The following DLG2 variants were observed in gnomAD, a reference collection of about 807,000 sequenced individuals.
DLG2 encodes discs large MAGUK scaffold protein 2, also known as disks large homolog 2.
A neutral mutation model predicts 132.5 loss-of-function variants in DLG2; 45 were observed. The ratio of observed to expected loss-of-function variants is 0.34; its 90% CI spans 0.27 to 0.44. The LOEUF is 0.44. Ranked by LOEUF, DLG2 falls within the 20% of genes least tolerant of loss-of-function variation. The pLI, the probability that DLG2 is intolerant of heterozygous loss-of-function variation, is 1.00. For synonymous variants in DLG2, 424 were observed against 419.6 expected (o/e 1.01, Z -0.13); for missense variants, 1,045 against 1,196.9 (o/e 0.87, Z 1.87).
At chr11:85,033,163 T>C (rs1480302094) in intron 6 of DLG2, among the ~76,000 whole-genome samples, 1 of 152,156 alleles carries the variant, frequency 6.6e-6, no homozygotes. Context: ...GATTATAAAA[T>C]AAAGAGTTGA....
intron 6 of DLG2, among the ~76,000 whole-genome samples, chr11:84,962,229 G>C (rs187866095): frequency 1.3e-5 from 2 of 152,328 alleles, no homozygotes; most frequent in South Asian, 2.1e-4. Flanking sequence ...AACTTCACGA[G>C]GGAGAGTAAC....
In DLG2 at chr11:84,318,889, G is replaced by A. The variant is rs575702865; in HGVS notation, c.520-67598C>T. Among the ~76,000 whole-genome samples, 446 of 152,162 alleles carry A rather than the reference G, an allele frequency of 2.9e-3. 1 individual carries two copies. Among genetic ancestry groups the A allele is most frequent in the South Asian group, 0.017 (80 of 4,810 alleles). Reference sequence around the variant, plus strand: ...CAGTAAATACATACATATGTTTGACGGATGAATGGATGGTTGGGTGGAAGT... The same window carrying A: ...CAGTAAATACATACATATGTTTGACAGATGAATGGATGGTTGGGTGGAAGT... On this transcript the variant is annotated intron_variant, in intron 7 of 27. Transcript: ENST00000376104.
intron 7 of DLG2, among the ~76,000 whole-genome samples, chr11:84,501,197 A>C (rs1432711202): frequency 6.6e-6 from 1 of 152,240 alleles, no homozygotes; most frequent in Admixed American, 6.5e-5. Flanking sequence ...TTATATTTTA[A>C]GCTTTTAATT....
At chr11:85,322,145 G>C (rs2081116648) in intron 3 of DLG2, among the ~76,000 whole-genome samples, 1 of 151,834 alleles carries the variant, frequency 6.6e-6, no homozygotes, top group Admixed American at 6.6e-5. Flanking sequence ...CCACCTTCTG[G>C]TCACCATATC....
intron 6 of DLG2, among the ~76,000 whole-genome samples, chr11:84,898,119 C>T (rs909072956): frequency 6.6e-6 from 1 of 151,824 alleles, no homozygotes; most frequent in Non-Finnish European, 1.5e-5. Flanking sequence ...AAAATGGTCA[C>T]TTTATATAAT....
At chr11:85,560,390 T>C (rs1390219174) in intron 3 of DLG2, among the ~76,000 whole-genome samples, 1 of 151,876 alleles carries the variant, frequency 6.6e-6, no homozygotes, top group Non-Finnish European at 1.5e-5. Flanking sequence ...TTATGGAATA[T>C]TATTCAGCAA....
chr11:85,187,079 A>G (rs1485485957), intron 4 of DLG2, among the ~76,000 whole-genome samples: 3 of 152,184 alleles, frequency 2.0e-5, no homozygotes, highest in Admixed American at 6.5e-5. Context: ...GATAACAGAT[A>G]TACTGAACAT....
chr11:84,958,117 A>G lies in DLG2; in HGVS notation c.357+153544T>C, dbSNP rs149709012. On this transcript the variant is annotated intron_variant, in intron 6 of 27. Transcript: ENST00000376104. ...ATATTATGTTTGAAGCATAGAATGCACCCAATATGTTAGTAGTTATTAATA... is the reference window on the plus strand; with the variant it reads ...ATATTATGTTTGAAGCATAGAATGCGCCCAATATGTTAGTAGTTATTAATA... 9.5e-4 allele frequency among the ~76,000 whole-genome samples: 144 copies of G among 152,310 alleles called. 2 individuals carry two copies. Among genetic ancestry groups the G allele is most frequent in the Non-Finnish European group, 1.6e-4 (11 of 68,030 alleles).
chr11:84,185,346 G>T (rs1202839985), intron 8 of DLG2, among the ~76,000 whole-genome samples: 1 of 152,126 alleles, frequency 6.6e-6, no homozygotes, highest in African/African-American at 2.4e-5. Flanking sequence ...GTGAATGGGA[G>T]TTCACTCATG....
chr11:84,923,004 A>T (rs2092829780), intron 6 of DLG2: 1 of 1,582,314 alleles, frequency 6.3e-7, no homozygotes, highest in African/African-American at 1.3e-5. Context: ...TCCTGAAGCT[A>T]CACAAGGTAG....
intron 3 of DLG2, among the ~76,000 whole-genome samples, chr11:85,549,431 C>G (rs1402794912): frequency 6.6e-6 from 1 of 152,232 alleles, no homozygotes; most frequent in Non-Finnish European, 1.5e-5. Flanking sequence ...ATTCGGCCAT[C>G]TTGCCAGCCA....
intron 4 of DLG2, among the ~76,000 whole-genome samples, chr11:85,213,437 G>A (rs2082376130): frequency 6.6e-6 from 1 of 152,066 alleles, no homozygotes. Context: ...TTCATAGGTG[G>A]ATTCAAAGAT....
At chr11:85,098,383 G>C (rs1318074434) in intron 6 of DLG2, among the ~76,000 whole-genome samples, 2 of 152,178 alleles carry the variant, frequency 1.3e-5, no homozygotes, top group African/African-American at 2.4e-5. Context: ...GATTAGATGA[G>C]ATTCTTTTTT....
At chr11:83,602,810 C>T (rs2058756279) in intron 19 of DLG2, among the ~76,000 whole-genome samples, 1 of 152,160 alleles carries the variant, frequency 6.6e-6, no homozygotes, top group Admixed American at 6.5e-5. Context: ...TGTGATATTG[C>T]TGACAAAATT....
intron 18 of DLG2, among the ~76,000 whole-genome samples, chr11:83,764,943 G>C (rs2094078718): frequency 6.6e-6 from 1 of 152,178 alleles, no homozygotes; most frequent in Non-Finnish European, 1.5e-5. Flanking sequence ...CTGTAGGTGT[G>C]GTCAGGCAGA....
At chr11:85,483,173 T>C (rs967079473) in intron 3 of DLG2, among the ~76,000 whole-genome samples, 1 of 152,126 alleles carries the variant, frequency 6.6e-6, no homozygotes, top group Non-Finnish European at 1.5e-5. Context: ...AGGATCCTAT[T>C]AGCAAGAGAA....
chr11:84,466,863 T>C (rs1281194548), intron 7 of DLG2, among the ~76,000 whole-genome samples: 1 of 151,184 alleles, frequency 6.6e-6, no homozygotes, highest in Non-Finnish European at 1.5e-5. Context: ...AGTGAATAAG[T>C]AAAAATACTA....
At chr11:83,947,347 C>T (rs553515134) in intron 14 of DLG2, among the ~76,000 whole-genome samples, 2 of 152,098 alleles carry the variant, frequency 1.3e-5, no homozygotes, top group Non-Finnish European at 2.9e-5. Flanking sequence ...TCTTAATTAA[C>T]ATCAGTATAT....
intron 6 of DLG2, among the ~76,000 whole-genome samples, chr11:84,588,454 A>G (rs1265025018): frequency 6.6e-6 from 1 of 152,068 alleles, no homozygotes; most frequent in Non-Finnish European, 1.5e-5. Flanking sequence ...TTACTCCCCA[A>G]TTCCAAACAG....
Sources: gnomAD v4.1 joint callset for allele counts (sites outside exome capture counted in the v4.1 genomes callset) on GRCh38, gnomAD v4.1.1 for gene constraint, MANE v1.5 for transcripts, NCBI Gene and HGNC (gene_info 2026-07-23, HGNC 2026-07-21) for gene names.